The following PRR12 variants were observed in gnomAD, a reference collection of about 807,000 sequenced individuals.
PRR12 encodes proline-rich protein 12.
PRR12 carries 12 observed loss-of-function variants against 138.0 expected under a neutral mutation model. The ratio of observed to expected loss-of-function variants is 0.09; its 90% CI spans 0.06 to 0.14. PRR12 has a LOEUF of 0.14. Among genes scored for constraint, PRR12 ranks in the 10% least tolerant of loss-of-function variants. The pLI, the probability that PRR12 is intolerant of heterozygous loss-of-function variation, is 1.00. For missense variants in PRR12, 2,692 were observed against 2,861.3 expected (o/e 0.94, Z 1.35); for synonymous variants, 1,567 against 1,291.7 (o/e 1.21, Z -4.57).
intron 6 of PRR12, among the ~76,000 whole-genome samples, chr19:49,609,944 C>T (rs2080857194): frequency 6.6e-6 from 1 of 152,122 alleles, no homozygotes; most frequent in Admixed American, 6.6e-5. Flanking sequence ...GACGGACTCC[C>T]CTGTCAATGG....
intron 6 of PRR12, among the ~76,000 whole-genome samples, chr19:49,611,808 G>A (rs1289700049): frequency 6.8e-6 from 1 of 146,888 alleles, no homozygotes; most frequent in Non-Finnish European, 1.5e-5. Flanking sequence ...CTGTGGTCCC[G>A]GCTACTCGGG....
At chr19:49,601,982 C>A in intron 6 of PRR12, 64 bp downstream of exon 6, 2 of 1,546,188 alleles carry the variant, frequency 1.3e-6, no homozygotes, top group East Asian at 2.4e-5. Context: ...GTTGAGTGCC[C>A]GCTGGATGAC....
intron 2 of PRR12, among the ~76,000 whole-genome samples, chr19:49,593,838 G>A (rs932724623): frequency 2.0e-5 from 3 of 151,804 alleles, no homozygotes; most frequent in Admixed American, 6.6e-5. Context: ...TCTCTGGCCC[G>A]CCCTGTTTTA....
chr19:49,614,735 C>G lies in PRR12; in HGVS notation c.4890+86C>G. On this transcript the variant is annotated intron_variant, in intron 7 of 13. Coordinates refer to ENST00000418929, the MANE Select transcript of PRR12 (RefSeq NM_020719.3). The surrounding 1 kb of genome is among the most constrained non-coding windows in gnomAD (Gnocchi z 5.0). ...GGTTCCCCTTAGTGTGGCTGTGACT[C>G]ACTCCACAGTGTATCTGGAAGGGGG... is the stretch of plus-strand genomic sequence containing the variant. 6.8e-7 allele frequency: 1 copy of G among 1,478,784 alleles called. No homozygotes were observed. Among genetic ancestry groups the G allele is most frequent in the Non-Finnish European group, 9.2e-7 (1 of 1,085,022 alleles). 91.6% of individuals were successfully genotyped at this position (1,478,784 alleles called of 1,614,324 possible).
chr19:49,625,940 T>G lies in PRR12; in HGVS notation c.*333T>G. 5.9e-6 allele frequency: 1 copy of G among 168,168 alleles called. No individual in the cohort carries two copies. Among genetic ancestry groups the G allele is most frequent in the Non-Finnish European group, 1.2e-5 (1 of 82,336 alleles). 10.4% of individuals were successfully genotyped at this position (168,168 alleles called of 1,614,324 possible). A position where few individuals can be genotyped will look rare whatever the true frequency, so the allele number is the denominator to read the frequency against. On this transcript the variant is annotated 3_prime_UTR_variant, in exon 14 of 14. Coordinates refer to ENST00000418929, the MANE Select transcript of PRR12 (RefSeq NM_020719.3). This position sits in a 1 kb window ranked among gnomAD's most constrained non-coding sequence, Gnocchi z 5.5. Reference sequence around the variant, plus strand: ...GCCCCCGCCCCCTCCACCTTGTACATAATGTATAGGAAAAGTCTATGTATG... The same window carrying G: ...GCCCCCGCCCCCTCCACCTTGTACAGAATGTATAGGAAAAGTCTATGTATG...
At chr19:49,600,017 A>G (rs2080801316) in intron 5 of PRR12, 79 bp downstream of exon 5, 4 of 1,382,076 alleles carry the variant, frequency 2.9e-6, no homozygotes, top group Non-Finnish European at 3.9e-6. Flanking sequence ...CAGGTTACGC[A>G]CTGTTTAAGA....
intron 9 of PRR12, 148 bp from the exon 10 acceptor site, chr19:49,620,204 C>A: frequency 9.3e-7 from 1 of 1,078,556 alleles, no homozygotes. Context: ...GTGGCACTGG[C>A]GCTTGCCTGT....
At chr19:49,593,800 A>C (rs1288444118) in intron 2 of PRR12, among the ~76,000 whole-genome samples, 1 of 151,126 alleles carries the variant, frequency 6.6e-6, no homozygotes, top group Non-Finnish European at 1.5e-5. Flanking sequence ...TTTCTTCCTG[A>C]TTCCCTTTCT....
chr19:49,617,073 G>A (rs1378887133), intron 9 of PRR12, among the ~76,000 whole-genome samples: 1 of 151,280 alleles, frequency 6.6e-6, no homozygotes, highest in Non-Finnish European at 1.5e-5. Context: ...AGAGGTTACG[G>A]TGAGCTGAGA....
Position 49,597,726 on chromosome 19 carries a change from C to T in PRR12, c.3391C>T (p.Arg1131Cys). ...LPDLVSSCRS[R>C]PALSPLGDID... ...TGACCTGGTCTCCAGCTGCCGCTCC[C>T]GTCCGGCCCTCTCGCCACTGGGGGA... Residue 1131 changes from arginine (R) to cysteine (C), a missense_variant, in exon 4 of 14, where the codon CGT becomes TGT. Transcript: ENST00000418929. The surrounding 1 kb of genome is among the most constrained non-coding windows in gnomAD (Gnocchi z 6.3). 3 of 1,608,130 alleles carry T rather than the reference C, an allele frequency of 1.9e-6. No homozygotes were observed. Among genetic ancestry groups the T allele is most frequent in the Non-Finnish European group, 2.5e-6 (3 of 1,178,300 alleles).
intron 11 of PRR12, 121 bp from the exon 12 acceptor site, chr19:49,624,723 C>G: frequency 1.4e-6 from 2 of 1,413,316 alleles, no homozygotes; most frequent in Non-Finnish European, 1.9e-6. Flanking sequence ...TGAGGAGACT[C>G]TAGTTGTCTC....
In PRR12 at chr19:49,599,544, G is replaced by A. The variant is rs1385360140; in HGVS notation, c.3951G>A (p.Val1317=). The change falls in exon 5 of 14, where the codon GTG becomes GTA. Residue 1317 remains valine (V), a synonymous_variant. Coordinates refer to ENST00000418929, the MANE Select transcript of PRR12 (RefSeq NM_020719.3). This position sits in a 1 kb window ranked among gnomAD's most constrained non-coding sequence, Gnocchi z 5.0. ...LSPPKSVPPS[V]PARGLQPQPP... is the part of the protein sequence containing the mutation. ...CTCCCAAGAGTGTGCCACCCTCTGTGCCAGCCCGAGGCCTGCAGCCCCAGC... is the reference window on the plus strand; with the variant it reads ...CTCCCAAGAGTGTGCCACCCTCTGTACCAGCCCGAGGCCTGCAGCCCCAGC... The A allele has an allele frequency of 2.5e-6, 4 of 1,595,250 alleles. No homozygotes were observed. Among genetic ancestry groups the A allele is most frequent in the Non-Finnish European group, 3.4e-6 (4 of 1,171,538 alleles).
Position 49,597,402 on chromosome 19 carries a change from A to G in PRR12, c.3067A>G (p.Asn1023Asp). The G allele has an allele frequency of 1.3e-6, 2 of 1,537,512 alleles. No individual in the cohort carries two copies. Among genetic ancestry groups the G allele is most frequent in the East Asian group, 2.4e-5 (1 of 40,828 alleles). ...NKPPELPSTV[N>D]AEPLGLIQSG... ...ACCGCCTGAACTGCCCTCCACGGTC[A>G]ACGCCGAGCCGCTGGGCCTGATCCA... Residue 1023 changes from asparagine (N) to aspartate (D), a missense_variant, in exon 4 of 14, where the codon AAC becomes GAC. Transcript: ENST00000418929. This position sits in a 1 kb window ranked among gnomAD's most constrained non-coding sequence, Gnocchi z 6.3.
At position 49,597,216 on chromosome 19, in the gene PRR12, G is replaced by A; in HGVS notation, c.2881G>A (p.Asp961Asn). The A allele has an allele frequency of 6.4e-7, 1 of 1,567,646 alleles. No homozygotes were observed. Among genetic ancestry groups the A allele is most frequent in the African/African-American group, 1.3e-5 (1 of 74,218 alleles). The change falls in exon 4 of 14, where the codon GAC becomes AAC. Residue 961 changes from aspartate to asparagine, a missense_variant. By Grantham distance (23) the Asp-to-Asn change is conservative. Coordinates refer to ENST00000418929, the MANE Select transcript of PRR12 (RefSeq NM_020719.3). This position sits in a 1 kb window ranked among gnomAD's most constrained non-coding sequence, Gnocchi z 6.3. ...EEMFGGGAAD[D>N]YGKAGPPEDE... ...GATGTTCGGTGGAGGGGCCGCGGACGACTACGGCAAGGCCGGGCCACCTGA... is the reference window on the plus strand; with the variant it reads ...GATGTTCGGTGGAGGGGCCGCGGACAACTACGGCAAGGCCGGGCCACCTGA...
chr19:49,623,978 G>A (rs2056909370), intron 11 of PRR12, among the ~76,000 whole-genome samples: 2 of 149,920 alleles, frequency 1.3e-5, no homozygotes, highest in African/African-American at 2.5e-5. Context: ...TTAGGATGGG[G>A]CCAGGAATTC....
chr19:49,612,558 TAC>T (rs1599797689), intron 6 of PRR12, among the ~76,000 whole-genome samples: 3 of 152,034 alleles, frequency 2.0e-5, no homozygotes, highest in East Asian at 3.9e-4. Flanking sequence ...TGATCCCAGC[TAC>T]AGTGTCAACA....
chr19:49,621,654 G>A (rs779424327), intron 11 of PRR12, 32 bp downstream of exon 11: 13 of 1,520,220 alleles, frequency 8.6e-6, no homozygotes, highest in Non-Finnish European at 1.2e-5. Context: ...GGGTGTCTGG[G>A]GCCCAGGGTC....
At chr19:49,605,196 G>A (rs2122327587) in intron 6 of PRR12, among the ~76,000 whole-genome samples, 1 of 152,108 alleles carries the variant, frequency 6.6e-6, no homozygotes, top group Middle Eastern at 3.4e-3. Context: ...GAGAGATAAA[G>A]TAGCCTTCCC....
Position 49,615,909 on chromosome 19 carries a change from C to G in PRR12, c.5187C>G (p.Pro1729=). The G allele has an allele frequency of 1.3e-6, 2 of 1,563,916 alleles. No individual in the cohort carries two copies. Among genetic ancestry groups the G allele is most frequent in the Non-Finnish European group, 1.7e-6 (2 of 1,154,246 alleles). Residue 1729 remains proline (P), a synonymous_variant, in exon 9 of 14, where the codon CCC becomes CCG. Transcript: ENST00000418929. The part of the protein sequence containing the change: ...PETAMPEPPA[P]EKPSLLRPVE... ...CGGCCATGCCTGAGCCCCCTGCCCC[C>G]GAGAAGCCCTCCCTCCTGCGGCCTG...
Sources: gnomAD v4.1 joint callset for allele counts (sites outside exome capture counted in the v4.1 genomes callset) on GRCh38, gnomAD v4.1.1 for gene constraint, Gnocchi (gnomAD v3.1) non-coding constraint, MANE v1.5 for transcripts, NCBI Gene and HGNC (gene_info 2026-07-23, HGNC 2026-07-21) for gene names.